ADGRL3: variants seen among roughly 807,000 people sequenced by gnomAD.
The protein encoded by ADGRL3 is calcium-independent alpha-latrotoxin receptor 3.
ADGRL3 carries 62 observed loss-of-function variants against 153.5 expected under a neutral mutation model. The observed-to-expected ratio is 0.40, with a 90% CI of 0.33 to 0.50. The LOEUF (loss-of-function observed/expected upper bound fraction) is 0.50. Ranked by LOEUF, ADGRL3 falls within the 20% of genes least tolerant of loss-of-function variation. The probability of loss-of-function intolerance (pLI) is 0.47; values close to 1 mark genes in which losing one functional copy is unlikely to be tolerated. For missense variants in ADGRL3, 1,641 were observed against 1,859.4 expected (o/e 0.88, Z 2.16); for synonymous variants, 710 against 672.5 (o/e 1.06, Z -0.86).
intron 9 of ADGRL3, among the ~76,000 whole-genome samples, chr4:61,818,667 CA>C (rs1358326255): frequency 6.6e-6 from 1 of 152,136 alleles, no homozygotes; most frequent in African/African-American, 2.4e-5. Context: ...CAAAGTCCAA[CA>C]GTCATTTCTG....
chr4:61,771,024 C>T (rs796180384), intron 8 of ADGRL3, among the ~76,000 whole-genome samples: 2 of 152,034 alleles, frequency 1.3e-5, no homozygotes. Flanking sequence ...GGAAAGGTCT[C>T]AGCAAAAAAC....
chr4:61,479,914 T>C (rs2098114130), intron 2 of ADGRL3, among the ~76,000 whole-genome samples: 1 of 152,172 alleles, frequency 6.6e-6, no homozygotes, highest in South Asian at 2.1e-4. Flanking sequence ...TTGTATATAG[T>C]TAAGGTTCAC....
chr4:62,058,871 A>T (rs1738506973), intron 25 of ADGRL3, among the ~76,000 whole-genome samples: 1 of 152,204 alleles, frequency 6.6e-6, no homozygotes, highest in Non-Finnish European at 1.5e-5. Context: ...GACTTAAGTC[A>T]CCTGGGGAGA....
At chr4:61,731,350 T>A (rs778191015) in intron 7 of ADGRL3, among the ~76,000 whole-genome samples, 61 of 152,084 alleles carry the variant, frequency 4.0e-4, no homozygotes, top group Non-Finnish European at 6.5e-4. Context: ...ATGCTTATAG[T>A]TACTGTTTAA....
At chr4:61,300,947 T>C (rs2094564313) in intron 1 of ADGRL3, among the ~76,000 whole-genome samples, 1 of 152,080 alleles carries the variant, frequency 6.6e-6, no homozygotes, top group African/African-American at 2.4e-5. Flanking sequence ...GTATTTTTAG[T>C]AGAGACGGGG....
At chr4:61,300,746 T>C (rs2094552967) in intron 1 of ADGRL3, among the ~76,000 whole-genome samples, 1 of 148,168 alleles carries the variant, frequency 6.7e-6, no homozygotes, top group Admixed American at 7.1e-5. Context: ...TAAGAATGAG[T>C]TTTGTTTTCT....
intron 9 of ADGRL3, among the ~76,000 whole-genome samples, chr4:61,824,460 T>G (rs1018355221): frequency 1.3e-5 from 2 of 152,194 alleles, no homozygotes; most frequent in Non-Finnish European, 2.9e-5. Context: ...AATATCCTAT[T>G]TTTTAATGTT....
intron 10 of ADGRL3, among the ~76,000 whole-genome samples, chr4:61,894,009 C>A (rs983453924): frequency 2.6e-5 from 4 of 152,100 alleles, no homozygotes; most frequent in Non-Finnish European, 5.9e-5. Flanking sequence ...CTGCGCCTGG[C>A]CTTCTTTGCC....
rs531951423 is a variant in ADGRL3 at position 61,593,872 on chromosome 4, ATAT to A, written c.473+6436_473+6438del. On this transcript the variant is annotated intron_variant, in intron 5 of 26. Transcript: ENST00000683033. The stretch of plus-strand genomic sequence containing the variant: ...TTGTCTAGGTTTGGAAAGTTCTCTG[ATAT>A]TATCCCTATGAATCCCCCTTGTCTC... 2.7e-4 allele frequency among the ~76,000 whole-genome samples: 41 copies of A among 152,062 alleles called. No individual in the cohort carries two copies. In the East Asian group the frequency reaches 7.8e-3, roughly 29 times the overall value.
At chr4:62,008,263 A>G (rs972248330) in intron 21 of ADGRL3, among the ~76,000 whole-genome samples, 2 of 152,160 alleles carry the variant, frequency 1.3e-5, no homozygotes, top group African/African-American at 4.8e-5. Context: ...GTTTTTAAGC[A>G]TGAGATATGT....
chr4:61,675,027 G>A (rs1433127915), intron 5 of ADGRL3, among the ~76,000 whole-genome samples: 2 of 151,962 alleles, frequency 1.3e-5, no homozygotes, highest in Non-Finnish European at 2.9e-5. Flanking sequence ...TGCCTGATGA[G>A]TATGGAGTAT....
chr4:61,220,645 C>G (rs992807086), intron 1 of ADGRL3, among the ~76,000 whole-genome samples: 4 of 152,042 alleles, frequency 2.6e-5, no homozygotes, highest in African/African-American at 9.7e-5. Context: ...CTTTTTTTCC[C>G]CTTTGCTCCT....
intron 17 of ADGRL3, among the ~76,000 whole-genome samples, chr4:61,976,741 TC>T (rs761209445): frequency 6.6e-6 from 1 of 152,108 alleles, no homozygotes; most frequent in Non-Finnish European, 1.5e-5. Context: ...CGTGTCTTGC[TC>T]CCCCTTCGCC....
intron 17 of ADGRL3, among the ~76,000 whole-genome samples, chr4:61,973,052 A>G (rs2099034875): frequency 6.6e-6 from 1 of 152,062 alleles, no homozygotes; most frequent in African/African-American, 2.4e-5. Flanking sequence ...TAATTTGTAT[A>G]GTTTGTATCC....
intron 1 of ADGRL3, among the ~76,000 whole-genome samples, chr4:61,350,936 C>T (rs369290566): frequency 6.6e-6 from 1 of 152,152 alleles, no homozygotes; most frequent in East Asian, 1.9e-4. Context: ...GGAAGAATTG[C>T]ACCTCACTTG....
At chr4:61,267,307 C>T (rs2092908723) in intron 1 of ADGRL3, among the ~76,000 whole-genome samples, 1 of 151,734 alleles carries the variant, frequency 6.6e-6, no homozygotes, top group Non-Finnish European at 1.5e-5. Context: ...ATAAAAGTCT[C>T]TGCTCCCTCC....
chr4:61,907,085 A>G (rs1011067294), intron 11 of ADGRL3, among the ~76,000 whole-genome samples: 1 of 152,104 alleles, frequency 6.6e-6, no homozygotes, highest in African/African-American at 2.4e-5. Flanking sequence ...AGGGGTTCAG[A>G]TCCAGACCCC....
intron 2 of ADGRL3, among the ~76,000 whole-genome samples, chr4:61,440,348 T>C (rs2097513582): frequency 6.6e-6 from 1 of 152,182 alleles, no homozygotes; most frequent in African/African-American, 2.4e-5. Flanking sequence ...GCACCCGGCC[T>C]ATATTGCTTT....
Position 62,072,230 on chromosome 4 carries a change from A to G in ADGRL3, c.*1322A>G, listed in dbSNP as rs1745900913. The stretch of plus-strand genomic sequence containing the variant: ...TATTTTGAAGTGATTTTTTTAAAAA[A>G]AAGTCTTCTGTTTATTAACAGGAAA... On this transcript the variant is annotated 3_prime_UTR_variant, in exon 27 of 27. Transcript: ENST00000683033. The G allele has an allele frequency of 6.6e-6, 1 of 152,644 alleles. No individual in the cohort carries two copies. Among genetic ancestry groups the G allele is most frequent in the South Asian group, 2.1e-4 (1 of 4,834 alleles). 9.5% of individuals were successfully genotyped at this position (152,644 alleles called of 1,614,324 possible).
Sources: gnomAD v4.1 joint callset for allele counts (sites outside exome capture counted in the v4.1 genomes callset) on GRCh38, gnomAD v4.1.1 for gene constraint, MANE v1.5 for transcripts, NCBI Gene and HGNC (gene_info 2026-07-23, HGNC 2026-07-21) for gene names.